The following FOXN1 variants were observed in gnomAD, a reference collection of about 807,000 sequenced individuals.
The protein encoded by FOXN1 is forkhead box N1.
In FOXN1, 15 loss-of-function variants were observed where a neutral mutation model predicts 49.0. The observed-to-expected ratio is 0.31, with a 90% CI of 0.20 to 0.47. FOXN1 has a LOEUF of 0.47. Ranked by LOEUF, FOXN1 falls within the 20% of genes least tolerant of loss-of-function variation. The pLI is 1.00. For synonymous variants in FOXN1, 356 were observed against 369.0 expected, an observed-to-expected ratio of 0.96 and a Z score of 0.40; for missense variants, 800 against 842.8, an observed-to-expected ratio of 0.95 and a Z score of 0.63.
intron 1 of FOXN1, among the ~76,000 whole-genome samples, chr17:28,508,181 T>A (rs1045709084): frequency 3.1e-4 from 47 of 152,166 alleles, no homozygotes; most frequent in African/African-American, 1.1e-3. Context: ...TCCCAGGGGC[T>A]CAGGGAGCCC....
chr17:28,529,178 A>G lies in FOXN1; in HGVS notation c.784A>G (p.Thr262Ala). ...CCAGCGAATGGCACCCCAGGCCAGC[A>G]CCGATGGGCACCAGCCTCTCTTCCC... ...QYQRMAPQAS[T>A]DGHQPLFPKP... The change falls in exon 5 of 9, where the codon ACC (threonine) becomes GCC (alanine). Residue 262 changes from threonine to alanine, a missense_variant. This residue lies in a region of FOXN1 where 383 missense variants were observed against 357.9 expected (regional missense o/e 1.07). Coordinates refer to ENST00000579795, the MANE Select transcript of FOXN1 (RefSeq NM_001369369.1). 4.3e-6 allele frequency: 7 copies of G among 1,614,162 alleles called. No individual in the cohort carries two copies. The highest frequency in any genetic ancestry group is 5.9e-6 in the Non-Finnish European group (7 of 1,180,010).
chr17:28,518,337 A>T (rs1173643817), intron 1 of FOXN1, among the ~76,000 whole-genome samples: 1 of 152,224 alleles, frequency 6.6e-6, no homozygotes, highest in Non-Finnish European at 1.5e-5. Context: ...AGGGGAAGTG[A>T]GTTATCCAAC....
chr17:28,535,253 C>G (rs774957376), intron 8 of FOXN1, 55 bp downstream of exon 8: 6 of 1,573,930 alleles, frequency 3.8e-6, no homozygotes, highest in Non-Finnish European at 5.2e-6. Context: ...GAGCACCTGG[C>G]AGTGGGACTC....
In FOXN1 at chr17:28,538,451, T is replaced by G. The variant is rs9901504; in HGVS notation, c.*1015T>G. ...ATGCGGTTATGTCCGATAAACCCAT[T>G]GTAAATTGAAACCACCGAAAGTCAA... On this transcript the variant is annotated 3_prime_UTR_variant, in exon 9 of 9. Transcript: ENST00000579795. 128 of 152,264 alleles carry G rather than the reference T, an allele frequency of 8.4e-4. No homozygotes were observed. The highest frequency in any genetic ancestry group is 1.3e-3 in the Non-Finnish European group (91 of 68,022). The allele number at this position is 152,264 out of a possible 1,614,324, so 9.4% of individuals were successfully genotyped here. A position where few individuals can be genotyped will look rare whatever the true frequency, so the allele number is the denominator to read the frequency against.
At position 28,524,489 on chromosome 17, in the gene FOXN1, C is replaced by T. The variant is rs771852938; in HGVS notation, c.124-14C>T. ...AGCCTCCACTCACAGGCTCGCTACT[C>T]TCTGTCTACCCAGAAGCATGCCGGC... On this transcript the variant is annotated splice_polypyrimidine_tract_variant and intron_variant, in intron 2 of 8. Transcript: ENST00000579795. The T allele has an allele frequency of 6.2e-7, 1 of 1,612,320 alleles. No individual in the cohort carries two copies. The highest frequency in any genetic ancestry group is 8.5e-7 in the Non-Finnish European group (1 of 1,178,748).
At chr17:28,531,110 G>A (rs1567883955) in intron 6 of FOXN1, among the ~76,000 whole-genome samples, 2 of 152,230 alleles carry the variant, frequency 1.3e-5, no homozygotes, top group Non-Finnish European at 2.9e-5. Context: ...GGGAAGGTGG[G>A]CAAGGTAGCA....
chr17:28,530,009 C>A (rs2069870647), intron 5 of FOXN1, among the ~76,000 whole-genome samples: 2 of 141,280 alleles, frequency 1.4e-5, no homozygotes, highest in African/African-American at 5.6e-5. Flanking sequence ...CTATTTATTC[C>A]TCTTTAAAAA....
At position 28,524,845 on chromosome 17, in the gene FOXN1, G is replaced by C; in HGVS notation, c.466G>C (p.Glu156Gln). Residue 156 changes from glutamate (E) to glutamine (Q), a missense_variant, in exon 3 of 9, where the codon GAG (glutamate) becomes CAG (glutamine). Physicochemically the swap from Glu to Gln is conservative, Grantham distance 29. Around this residue, in one of 3 missense-constraint regions of FOXN1, gnomAD observed 383 missense variants for 357.9 expected, o/e 1.07. Transcript: ENST00000579795. ...GHSFKTPGPL[E>Q]AFEEIPVDVA... is the part of the protein sequence containing the mutation. ...CTCCTTTAAGACCCCAGGGCCGCTG[G>C]AGGCCTTCGAGGAGATCCCAGTGGA... The C allele has an allele frequency of 6.2e-7, 1 of 1,613,786 alleles. No individual in the cohort carries two copies. Among genetic ancestry groups the C allele is most frequent in the Non-Finnish European group, 8.5e-7 (1 of 1,180,002 alleles).
intron 1 of FOXN1, among the ~76,000 whole-genome samples, chr17:28,510,613 CAT>C (rs1322673809): frequency 1.4e-5 from 2 of 141,970 alleles, no homozygotes; most frequent in Non-Finnish European, 3.1e-5. Context: ...CACACACACA[CAT>C]CGCTGTGATC....
intron 8 of FOXN1, among the ~76,000 whole-genome samples, chr17:28,535,766 A>G (rs1243071830): frequency 1.3e-5 from 2 of 151,594 alleles, no homozygotes; most frequent in African/African-American, 4.9e-5. Context: ...CAAAAAAACC[A>G]CTCTCAGCTC....
intron 1 of FOXN1, among the ~76,000 whole-genome samples, chr17:28,518,423 A>G (rs1369184584): frequency 6.6e-6 from 1 of 152,224 alleles, no homozygotes; most frequent in Non-Finnish European, 1.5e-5. Flanking sequence ...AGGAGCCAAG[A>G]GAAGGCTCTC....
At chr17:28,523,224 C>T (rs1030006099) in intron 1 of FOXN1, among the ~76,000 whole-genome samples, 1 of 152,230 alleles carries the variant, frequency 6.6e-6, no homozygotes, top group African/African-American at 2.4e-5. Flanking sequence ...GGGCAGTGGC[C>T]TGCACAAAGT....
intron 6 of FOXN1, among the ~76,000 whole-genome samples, chr17:28,533,994 G>A (rs549791842): frequency 6.6e-6 from 1 of 152,242 alleles, no homozygotes; most frequent in Non-Finnish European, 1.5e-5. Flanking sequence ...CTCAGCTTCA[G>A]ATGGGAGAGT....
Position 28,530,842 on chromosome 17 carries a change from C to T in FOXN1, c.924C>T (p.Phe308=), listed in dbSNP as rs1340229417. The part of the protein sequence containing the change: ...YNFMTEHFPY[F]KTAPDGWKNS... ...TTATGACGGAGCACTTTCCTTACTT[C>T]AAGGTGAGCCCAAGATTCCTCCCCA... The change falls in exon 6 of 9, where the codon TTC becomes TTT. Residue 308 remains phenylalanine, a synonymous_variant. Transcript: ENST00000579795. The T allele has an allele frequency of 6.4e-7, 1 of 1,573,786 alleles. No individual in the cohort carries two copies. The highest frequency in any genetic ancestry group is 1.3e-5 in the African/African-American group (1 of 74,158).
chr17:28,524,740 G>A lies in FOXN1; in HGVS notation c.361G>A (p.Ala121Thr), dbSNP rs182334974. The A allele has an allele frequency of 2.5e-5, 41 of 1,612,926 alleles. No homozygotes were observed. The Admixed American group carries it at 2.7e-4, about 11-fold the overall frequency. ...TGGGCGATTCCTCAAGGGCAGCCAC[G>A]CGCCCTTCCACCCGTACAAGCGGCC... The part of the protein sequence containing the change: ...SPGRFLKGSH[A>T]PFHPYKRPFH... The change falls in exon 3 of 9, where the codon GCG becomes ACG. Residue 121 changes from alanine to threonine, a missense_variant. Transcript: ENST00000579795.
chr17:28,524,159 C>CAGT lies in FOXN1; in HGVS notation c.123+68_123+70dup, dbSNP rs544802792. ...GCGGCTGCCCAGGCAACAAGAAGAC[C>CAGT]AGTCACCTTACCGCCCCCAGGGACC... is the stretch of plus-strand genomic sequence containing the variant. On this transcript the variant is annotated intron_variant, in intron 2 of 8. Transcript: ENST00000579795. 279 of 1,502,372 alleles carry CAGT rather than the reference C, an allele frequency of 1.9e-4. No individual in the cohort carries two copies. The South Asian group carries it at 3.3e-3, about 18-fold the overall frequency. The allele number at this position is 1,502,372 out of a possible 1,614,324, so 93.1% of individuals were successfully genotyped here.
rs2070127948 is a variant in FOXN1 at position 28,538,513 on chromosome 17, T to C, written c.*1077T>C. 1 of 152,206 alleles carries C rather than the reference T, an allele frequency of 6.6e-6. No homozygotes were observed. Among genetic ancestry groups the C allele is most frequent in the African/African-American group, 2.4e-5 (1 of 41,442 alleles). 9.4% of individuals were successfully genotyped at this position (152,206 alleles called of 1,614,324 possible). On this transcript the variant is annotated 3_prime_UTR_variant, in exon 9 of 9. Coordinates refer to ENST00000579795, the MANE Select transcript of FOXN1 (RefSeq NM_001369369.1). ...GACTTACGATGTTTCCCACTCACGA[T>C]GGGTTTCTCCGGATGTAGCCCCATC...
intron 1 of FOXN1, among the ~76,000 whole-genome samples, 188 bp from the exon 2 acceptor site, chr17:28,523,768 C>G (rs1337878747): frequency 2.7e-5 from 4 of 150,864 alleles, no homozygotes; most frequent in African/African-American, 7.4e-5. Flanking sequence ...CAAACTATTT[C>G]TCTTTCTCTC....
chr17:28,537,754 A>G lies in FOXN1; in HGVS notation c.*318A>G, dbSNP rs886052759. The G allele has an allele frequency of 3.2e-4, 153 of 473,688 alleles. 1 individual carries two copies. Among genetic ancestry groups the G allele is most frequent in the Non-Finnish European group, 5.5e-5 (14 of 255,796 alleles). The allele number at this position is 473,688 out of a possible 1,614,324, so 29.3% of individuals were successfully genotyped here. A position where few individuals can be genotyped will look rare whatever the true frequency, so the allele number is the denominator to read the frequency against. The stretch of plus-strand genomic sequence containing the variant: ...AAGCCCTCGTGCACACACACAAATT[A>G]TTCAGATGTACACCCACCCACATAT... On this transcript the variant is annotated 3_prime_UTR_variant, in exon 9 of 9. Transcript: ENST00000579795.
Sources: allele counts gnomAD v4.1 joint callset (sites outside exome capture counted in the v4.1 genomes callset), GRCh38; gene constraint gnomAD v4.1.1; regional missense constraint gnomAD v4.1.1; transcripts MANE v1.5; gene names NCBI Gene and HGNC (gene_info 2026-07-23, HGNC 2026-07-21).